ADAMTSL1: variants seen among roughly 807,000 people sequenced by gnomAD.
ADAMTSL1 encodes ADAMTS-like protein 1.
A neutral mutation model predicts 201.8 loss-of-function variants in ADAMTSL1; 126 were observed. That is an observed-to-expected ratio of 0.62 (90% CI 0.54 to 0.72). The LOEUF is 0.72. ADAMTSL1 is among the 30% of genes least tolerant of loss of function. The pLI is 0.00. For synonymous variants in ADAMTSL1, 1,121 were observed against 903.4 expected (o/e 1.24, Z -4.32); for missense variants, 2,679 against 2,277.8 (o/e 1.18, Z -3.59).
chr9:18,665,245 G>A (rs976691365), intron 9 of ADAMTSL1, among the ~76,000 whole-genome samples: 2 of 151,966 alleles, frequency 1.3e-5, no homozygotes, highest in Non-Finnish European at 2.9e-5. Flanking sequence ...CATAATCCCT[G>A]ATATCCACTT....
chr9:18,317,724 C>G (rs1055049146), intron 2 of ADAMTSL1, among the ~76,000 whole-genome samples: 1 of 152,214 alleles, frequency 6.6e-6, no homozygotes, highest in Non-Finnish European at 1.5e-5. Context: ...CACCCTTACA[C>G]CTCTATCCCT....
At chr9:18,685,507 A>T (rs1830776404) in intron 13 of ADAMTSL1, among the ~76,000 whole-genome samples, 1 of 152,232 alleles carries the variant, frequency 6.6e-6, no homozygotes, top group Non-Finnish European at 1.5e-5. Flanking sequence ...GATACAATTG[A>T]TTGAAAAATT....
intron 1 of ADAMTSL1, among the ~76,000 whole-genome samples, chr9:17,989,971 G>A (rs1819085184): frequency 6.9e-6 from 1 of 145,656 alleles, no homozygotes; most frequent in African/African-American, 2.6e-5. Flanking sequence ...AAATCTTCTT[G>A]ATGTAAGAAC....
chr9:17,917,064 T>C (rs1826122973), intron 1 of ADAMTSL1, among the ~76,000 whole-genome samples: 1 of 152,176 alleles, frequency 6.6e-6, no homozygotes, highest in African/African-American at 2.4e-5. Context: ...ATTCTTTTTT[T>C]GTTAGTATAC....
chr9:18,528,146 G>C lies in ADAMTSL1; in HGVS notation c.192-5101G>C, dbSNP rs149413285. Among the ~76,000 whole-genome samples, 24 of 152,188 alleles carry C rather than the reference G, an allele frequency of 1.6e-4. No homozygotes were observed. The South Asian group carries it at 1.7e-3, about 11-fold the overall frequency. ...ACCTGTCTTGGCCGCCCAAAGTGCT[G>C]GGATTACAGGCATGAGCCACCACAC... On this transcript the variant is annotated intron_variant, in intron 2 of 28. Transcript: ENST00000380548.
intron 1 of ADAMTSL1, among the ~76,000 whole-genome samples, chr9:18,041,155 A>C (rs1054834410): frequency 2.6e-5 from 4 of 152,222 alleles, no homozygotes; most frequent in Non-Finnish European, 5.9e-5. Context: ...GGATGTGAAG[A>C]GGATGATTTA....
chr9:18,566,459 A>C (rs1821899219), intron 3 of ADAMTSL1, among the ~76,000 whole-genome samples: 2 of 152,216 alleles, frequency 1.3e-5, no homozygotes, highest in Admixed American at 1.3e-4. Context: ...TGTTATAGGA[A>C]AAAGGAAAGT....
At chr9:18,714,255 A>G (rs1289223294) in intron 14 of ADAMTSL1, among the ~76,000 whole-genome samples, 1 of 151,062 alleles carries the variant, frequency 6.6e-6, no homozygotes, top group Non-Finnish European at 1.5e-5. Flanking sequence ...AAATCAGAGC[A>G]GAACTGAAGG....
chr9:18,329,746 A>G (rs1000032987), intron 2 of ADAMTSL1, among the ~76,000 whole-genome samples: 4 of 152,188 alleles, frequency 2.6e-5, no homozygotes, highest in African/African-American at 7.2e-5. Flanking sequence ...TATGGTATTC[A>G]TCCATCAAAG....
chr9:18,873,228 A>T (rs1285753508), intron 23 of ADAMTSL1, among the ~76,000 whole-genome samples: 2 of 151,908 alleles, frequency 1.3e-5, no homozygotes, highest in African/African-American at 4.8e-5. Context: ...GTTTGTGAAG[A>T]TTTTCTCCCA....
At chr9:18,395,474 C>G (rs1306502082) in intron 2 of ADAMTSL1, among the ~76,000 whole-genome samples, 1 of 152,180 alleles carries the variant, frequency 6.6e-6, no homozygotes, top group African/African-American at 2.4e-5. Context: ...CTGGTAGACT[C>G]TACCTATTCT....
intron 2 of ADAMTSL1, among the ~76,000 whole-genome samples, chr9:18,445,552 T>C (rs1342615067): frequency 6.6e-6 from 1 of 152,172 alleles, no homozygotes; most frequent in Non-Finnish European, 1.5e-5. Flanking sequence ...ATTTTGTCAT[T>C]CCATTTTATT....
chr9:18,458,700 G>T (rs1820699681), intron 2 of ADAMTSL1, among the ~76,000 whole-genome samples: 1 of 152,186 alleles, frequency 6.6e-6, no homozygotes, highest in African/African-American at 2.4e-5. Flanking sequence ...TGCTCAGTCA[G>T]TGAGGATTTT....
chr9:17,939,069 G>A (rs565602503), intron 1 of ADAMTSL1, among the ~76,000 whole-genome samples: 4 of 152,048 alleles, frequency 2.6e-5, no homozygotes, highest in African/African-American at 9.6e-5. Context: ...TTGGTTTTTT[G>A]CCACTTATAC....
intron 4 of ADAMTSL1, among the ~76,000 whole-genome samples, chr9:18,600,808 C>A (rs190603237): frequency 5.1e-4 from 77 of 151,514 alleles, no homozygotes; most frequent in Admixed American, 8.9e-4. Flanking sequence ...TCTAAAGAAA[C>A]AAAAATATAA....
intron 3 of ADAMTSL1, among the ~76,000 whole-genome samples, chr9:18,562,900 C>T (rs2383078): frequency 6.6e-5 from 10 of 152,020 alleles, no homozygotes; most frequent in Admixed American, 4.6e-4. Flanking sequence ...ACTGGTTATT[C>T]TAGTTAGCAT....
At chr9:17,946,232 C>T (rs987871065) in intron 1 of ADAMTSL1, among the ~76,000 whole-genome samples, 9 of 151,586 alleles carry the variant, frequency 5.9e-5, no homozygotes, top group African/African-American at 2.2e-4. Context: ...CTCCCGGGCT[C>T]AAGTGTTCCT....
chr9:18,080,227 A>G (rs999478669), intron 1 of ADAMTSL1, among the ~76,000 whole-genome samples: 5 of 152,216 alleles, frequency 3.3e-5, no homozygotes, highest in African/African-American at 1.2e-4. Flanking sequence ...AAGAGTAGTG[A>G]TCACAAAGTT....
intron 1 of ADAMTSL1, among the ~76,000 whole-genome samples, chr9:18,025,828 A>G (rs968978399): frequency 2.0e-5 from 3 of 152,010 alleles, no homozygotes; most frequent in African/African-American, 7.2e-5. Flanking sequence ...TGTTGAATCT[A>G]TAGATTGCTT....
Sources: gnomAD v4.1 joint callset for allele counts (sites outside exome capture counted in the v4.1 genomes callset) on GRCh38, gnomAD v4.1.1 for gene constraint, MANE v1.5 for transcripts, NCBI Gene and HGNC (gene_info 2026-07-23, HGNC 2026-07-21) for gene names.